PHTF2: variants seen among roughly 807,000 people sequenced by gnomAD.
PHTF2 encodes the protein protein PHTF2.
PHTF2 carries 60 observed loss-of-function variants against 101.2 expected under a neutral mutation model. The observed-to-expected ratio is 0.59, with a 90% CI of 0.48 to 0.73. The LOEUF (loss-of-function observed/expected upper bound fraction) is 0.73. Among genes scored for constraint, PHTF2 ranks in the 30% least tolerant of loss-of-function variants. The pLI, the probability that PHTF2 is intolerant of heterozygous loss-of-function variation, is 0.00. For synonymous variants in PHTF2, 311 were observed against 307.3 expected, an observed-to-expected ratio of 1.01 and a Z score of -0.13; for missense variants, 747 against 908.7, an observed-to-expected ratio of 0.82 and a Z score of 2.29.
At chr7:77,849,114 GT>G (rs550634967) in intron 2 of PHTF2, among the ~76,000 whole-genome samples, 1 of 151,266 alleles carries the variant, frequency 6.6e-6, no homozygotes, top group Admixed American at 6.6e-5. Flanking sequence ...CCATGCTGGA[GT>G]TTTTTTTGTT....
At chr7:77,917,754 C>T (rs1803066441) in intron 9 of PHTF2, among the ~76,000 whole-genome samples, 1 of 152,192 alleles carries the variant, frequency 6.6e-6, no homozygotes, top group Admixed American at 6.5e-5. Context: ...TGTCCCACTC[C>T]ACTGATATTC....
At chr7:77,806,468 G>A (rs1792992731) in intron 1 of PHTF2, among the ~76,000 whole-genome samples, 1 of 152,038 alleles carries the variant, frequency 6.6e-6, no homozygotes, top group Admixed American at 6.5e-5. Flanking sequence ...ACTTTGTATA[G>A]CCATTCAGAC....
intron 12 of PHTF2, among the ~76,000 whole-genome samples, chr7:77,935,194 C>T (rs748127852): frequency 8.2e-5 from 10 of 122,304 alleles, no homozygotes; most frequent in Non-Finnish European, 1.3e-4. Flanking sequence ...CTACACACAA[C>T]ATTGAACATG....
chr7:77,900,488 G>A (rs1185491941), intron 5 of PHTF2, among the ~76,000 whole-genome samples: 2 of 152,062 alleles, frequency 1.3e-5, no homozygotes, highest in South Asian at 2.1e-4. Flanking sequence ...GTAATAAACC[G>A]GCCTGGCATG....
chr7:77,809,479 A>T (rs527996609), intron 1 of PHTF2, among the ~76,000 whole-genome samples: 28 of 152,136 alleles, frequency 1.8e-4, no homozygotes, highest in Admixed American at 1.7e-3. Context: ...CACCCACCTC[A>T]GCCTCCCGAA....
At chr7:77,869,751 A>G (rs1798368996) in intron 3 of PHTF2, among the ~76,000 whole-genome samples, 1 of 152,130 alleles carries the variant, frequency 6.6e-6, no homozygotes, top group Admixed American at 6.5e-5. Context: ...AATAGTAGCC[A>G]TTTTAACTAG....
intron 7 of PHTF2, among the ~76,000 whole-genome samples, chr7:77,907,067 G>A (rs1454447626): frequency 6.6e-6 from 1 of 151,960 alleles, no homozygotes; most frequent in African/African-American, 2.4e-5. Context: ...CTGTATGTAT[G>A]CTGTGTACTA....
At chr7:77,882,695 T>C (rs1480010340) in intron 3 of PHTF2, among the ~76,000 whole-genome samples, 1 of 152,172 alleles carries the variant, frequency 6.6e-6, no homozygotes, top group African/African-American at 2.4e-5. Context: ...ATTATGTTTT[T>C]AGAGTTTTAA....
chr7:77,936,406 G>A (rs911145800), intron 12 of PHTF2, among the ~76,000 whole-genome samples: 1 of 152,094 alleles, frequency 6.6e-6, no homozygotes, highest in African/African-American at 2.4e-5. Context: ...GCCAGACACC[G>A]TGGCTCACGC....
intron 1 of PHTF2, among the ~76,000 whole-genome samples, chr7:77,809,375 T>A (rs1356420309): frequency 6.6e-6 from 1 of 151,944 alleles, no homozygotes; most frequent in Non-Finnish European, 1.5e-5. Flanking sequence ...TACAGGAACC[T>A]GCCAACATGC....
intron 2 of PHTF2, 22 bp downstream of exon 2, chr7:77,840,322 T>G: frequency 6.5e-7 from 1 of 1,531,034 alleles, no homozygotes; most frequent in East Asian, 2.3e-5. Context: ...GTCAAAACTT[T>G]TAGCTTTCTA....
In PHTF2 at chr7:77,817,857, C is replaced by T. The variant is rs547647750; in HGVS notation, c.-36+18886C>T. Among the ~76,000 whole-genome samples, 144 of 152,130 alleles carry T rather than the reference C, an allele frequency of 9.5e-4. 1 individual carries two copies. Among genetic ancestry groups the T allele is most frequent in the African/African-American group, 3.3e-3 (135 of 41,476 alleles). On this transcript the variant is annotated intron_variant, in intron 1 of 19. Coordinates refer to ENST00000416283, the Ensembl canonical transcript of PHTF2. The stretch of plus-strand genomic sequence containing the variant: ...GGGTGCGGTGGCTCATGCCTGTAAT[C>T]CCAGCACTTTGGGAGGCCAAGGTGG...
intron 15 of PHTF2, 54 bp from the exon 15 acceptor site, chr7:77,942,646 T>G (rs1308165142): frequency 3.2e-6 from 3 of 949,654 alleles, no homozygotes; most frequent in African/African-American, 3.3e-5. Context: ...ATCTGCTGAT[T>G]AGTAAATATA....
At chr7:77,820,773 AT>A (rs1413198966) in intron 1 of PHTF2, among the ~76,000 whole-genome samples, 1 of 152,174 alleles carries the variant, frequency 6.6e-6, no homozygotes, top group Non-Finnish European at 1.5e-5. Context: ...CAAGGTGATT[AT>A]TGATAAGTGA....
intron 2 of PHTF2, among the ~76,000 whole-genome samples, chr7:77,842,841 G>T (rs1184958223): frequency 6.6e-6 from 1 of 152,172 alleles, no homozygotes; most frequent in Non-Finnish European, 1.5e-5. Context: ...GGTCTCTGCT[G>T]CAACCACTCA....
chr7:77,844,029 A>G (rs370321513), intron 2 of PHTF2, among the ~76,000 whole-genome samples: 37 of 152,272 alleles, frequency 2.4e-4, no homozygotes, highest in African/African-American at 8.2e-4. Flanking sequence ...GGAGGGTCTC[A>G]CTTTGTCACC....
At chr7:77,852,504 CT>C (rs977268070) in intron 2 of PHTF2, among the ~76,000 whole-genome samples, 4 of 152,106 alleles carry the variant, frequency 2.6e-5, no homozygotes, top group African/African-American at 9.7e-5. Context: ...TGCTTTTTAA[CT>C]TTTTGTTGTT....
At chr7:77,807,054 A>C (rs1347558656) in intron 1 of PHTF2, among the ~76,000 whole-genome samples, 2 of 152,164 alleles carry the variant, frequency 1.3e-5, no homozygotes, top group Non-Finnish European at 2.9e-5. Flanking sequence ...TATACATATA[A>C]TTTTTTAAAG....
intron 1 of PHTF2, among the ~76,000 whole-genome samples, chr7:77,827,104 A>G (rs558383687): frequency 3.7e-4 from 57 of 152,342 alleles, no homozygotes; most frequent in African/African-American, 1.3e-3. Context: ...GCAGGAAGTC[A>G]TGGATACCAT....
Sources: gnomAD v4.1 joint callset for allele counts (sites outside exome capture counted in the v4.1 genomes callset) on GRCh38, gnomAD v4.1.1 for gene constraint, MANE v1.5 for transcripts, NCBI Gene and HGNC (gene_info 2026-07-23, HGNC 2026-07-21) for gene names.